Variants in MKLN1 observed in about 807,000 individuals in gnomAD.
The protein encoded by MKLN1 is muskelin 1.
MKLN1 carries 18 observed loss-of-function variants against 99.0 expected under a neutral mutation model. The observed-to-expected ratio is 0.18, with a 90% confidence interval of 0.13 to 0.27. MKLN1 has a LOEUF of 0.27. Ranked by LOEUF, MKLN1 falls within the 10% of genes least tolerant of loss-of-function variation. MKLN1 has a pLI of 1.00. For synonymous variants in MKLN1, 288 were observed against 293.2 expected (o/e 0.98, Z 0.18); for missense variants, 621 against 875.9 (o/e 0.71, Z 3.67).
At chr7:131,295,739 A>C (rs118094979) in intron 3 of MKLN1, among the ~76,000 whole-genome samples, 2,349 of 151,922 alleles carry the variant, frequency 0.015, 25 homozygotes, top group Middle Eastern at 0.031. Context: ...AAATAAATTA[A>C]CTGGACATGG....
intron 3 of MKLN1, among the ~76,000 whole-genome samples, chr7:131,240,875 T>G (rs1797391766): frequency 6.6e-6 from 1 of 152,198 alleles, no homozygotes; most frequent in East Asian, 1.9e-4. Flanking sequence ...CAGAAATGTG[T>G]ATATACCTTA....
intron 3 of MKLN1, among the ~76,000 whole-genome samples, chr7:131,317,206 A>C (rs554354752): frequency 1.1e-3 from 161 of 152,332 alleles, no homozygotes; most frequent in African/African-American, 3.4e-3. Context: ...AGACACAGAG[A>C]AAGTTCAGGT....
At chr7:131,227,469 T>TTCTC (rs1563259238) in intron 3 of MKLN1, among the ~76,000 whole-genome samples, 19 of 130,676 alleles carry the variant, frequency 1.5e-4, no homozygotes, top group South Asian at 7.7e-4. Context: ...GTTTCTTTCT[T>TTCTC]TCTTTCTCTC....
At chr7:131,404,288 A>G (rs892201668) in intron 6 of MKLN1, among the ~76,000 whole-genome samples, 2 of 152,288 alleles carry the variant, frequency 1.3e-5, no homozygotes, top group East Asian at 3.9e-4. Flanking sequence ...AGAATTTACT[A>G]GTGAAGGCAA....
chr7:131,443,767 T>C lies in MKLN1; in HGVS notation c.1395+65T>C, dbSNP rs1470160249. 18 of 1,204,836 alleles carry C rather than the reference T, an allele frequency of 1.5e-5. No individual in the cohort carries two copies. The South Asian group carries it at 2.1e-4, about 14-fold the overall frequency. The allele number at this position is 1,204,836 out of a possible 1,614,324, so 74.6% of individuals were successfully genotyped here. A position where few individuals can be genotyped will look rare whatever the true frequency, so the allele number is the denominator to read the frequency against. On this transcript the variant is annotated intron_variant, in intron 11 of 17. Coordinates refer to ENST00000352689, the MANE Select transcript of MKLN1 (RefSeq NM_013255.5). Reference sequence around the variant, plus strand: ...ATGTATATCTAGATAGGAAAAGAAGTGGTGAAATCTAATTCTTTAGGAAGA... The same window carrying C: ...ATGTATATCTAGATAGGAAAAGAAGCGGTGAAATCTAATTCTTTAGGAAGA...
At chr7:131,270,350 G>C (rs1797866742) in intron 3 of MKLN1, among the ~76,000 whole-genome samples, 1 of 152,180 alleles carries the variant, frequency 6.6e-6, no homozygotes, top group South Asian at 2.1e-4. Context: ...AGCCTCCCAA[G>C]TAGCTGGGAT....
At chr7:131,144,414 G>A (rs576274979) in intron 2 of MKLN1, among the ~76,000 whole-genome samples, 5 of 151,374 alleles carry the variant, frequency 3.3e-5, no homozygotes, top group African/African-American at 7.3e-5. Context: ...CCTGGGAGGC[G>A]GAACTTGCAG....
intron 3 of MKLN1, among the ~76,000 whole-genome samples, chr7:131,388,385 A>C (rs889909970): frequency 6.6e-6 from 1 of 152,174 alleles, no homozygotes; most frequent in African/African-American, 2.4e-5. Flanking sequence ...ATTTAGGATA[A>C]AGCAGATGCT....
At chr7:131,185,646 G>T (rs180913886) in intron 2 of MKLN1, among the ~76,000 whole-genome samples, 32 of 152,220 alleles carry the variant, frequency 2.1e-4, no homozygotes, top group African/African-American at 7.2e-4. Context: ...AGTCACTCAA[G>T]CTTTCATTTC....
In MKLN1 at chr7:131,488,162, C is replaced by A. The variant is rs1404192872; in HGVS notation, c.*434C>A. ...GGTCATTTGGCCTGCCTTTTCCCTT[C>A]CTATTTCACTTTGCCTCCCATCACA... is the stretch of plus-strand genomic sequence containing the variant. On this transcript the variant is annotated 3_prime_UTR_variant, in exon 18 of 18. Transcript: ENST00000352689. 1 of 151,894 alleles carries A rather than the reference C, an allele frequency of 6.6e-6. No individual in the cohort carries two copies. Among genetic ancestry groups the A allele is most frequent in the Admixed American group, 6.6e-5 (1 of 15,222 alleles). The allele number at this position is 151,894 out of a possible 1,614,324, so 9.4% of individuals were successfully genotyped here. A position where few individuals can be genotyped will look rare whatever the true frequency, so the allele number is the denominator to read the frequency against.
At chr7:131,484,835 A>T (rs1188311029) in intron 17 of MKLN1, among the ~76,000 whole-genome samples, 1 of 151,994 alleles carries the variant, frequency 6.6e-6, no homozygotes, top group Non-Finnish European at 1.5e-5. Flanking sequence ...AGTTGAGCAA[A>T]TGAGTACATA....
intron 2 of MKLN1, among the ~76,000 whole-genome samples, chr7:131,147,367 G>T (rs952352058): frequency 6.6e-6 from 1 of 151,912 alleles, no homozygotes; most frequent in African/African-American, 2.4e-5. Context: ...CGTTGATGAT[G>T]TCTTAAAAAT....
intron 3 of MKLN1, among the ~76,000 whole-genome samples, chr7:131,300,603 C>T (rs1317471701): frequency 2.0e-5 from 3 of 147,534 alleles, no homozygotes; most frequent in Admixed American, 7.0e-5. Context: ...AGGAGAATCG[C>T]TTGAACTCCA....
At chr7:131,479,807 A>G (rs974351933) in intron 17 of MKLN1, among the ~76,000 whole-genome samples, 3 of 151,548 alleles carry the variant, frequency 2.0e-5, no homozygotes, top group Non-Finnish European at 4.4e-5. Context: ...AGCCTGGGCG[A>G]CAGAGTGAGA....
At chr7:131,169,690 T>A (rs546476458) in intron 2 of MKLN1, among the ~76,000 whole-genome samples, 1 of 152,316 alleles carries the variant, frequency 6.6e-6, no homozygotes, top group East Asian at 1.9e-4. Flanking sequence ...TCAAAAGGAA[T>A]GTATTATCTA....
intron 3 of MKLN1, among the ~76,000 whole-genome samples, chr7:131,322,591 T>C (rs1321520179): frequency 3.0e-5 from 4 of 133,714 alleles, no homozygotes; most frequent in Non-Finnish European, 4.7e-5. Flanking sequence ...TGAGACGGAG[T>C]CTCGCTCTGT....
chr7:131,197,688 A>G (rs1458601036), intron 2 of MKLN1, among the ~76,000 whole-genome samples: 1 of 152,032 alleles, frequency 6.6e-6, no homozygotes, highest in African/African-American at 2.4e-5. Context: ...AAATTTTCCA[A>G]TGACACAAAC....
intron 3 of MKLN1, among the ~76,000 whole-genome samples, chr7:131,218,165 G>T (rs1012988646): frequency 4.6e-5 from 7 of 152,154 alleles, no homozygotes; most frequent in African/African-American, 1.7e-4. Flanking sequence ...GGTTCATACG[G>T]AATACAAGGT....
At chr7:131,442,439 C>T (rs1795866173) in intron 10 of MKLN1, among the ~76,000 whole-genome samples, 1 of 151,870 alleles carries the variant, frequency 6.6e-6, no homozygotes, top group Admixed American at 6.6e-5. Context: ...CCCAGCTACC[C>T]GGGAGGCTGA....
Sources: allele counts gnomAD v4.1 joint callset (sites outside exome capture counted in the v4.1 genomes callset), GRCh38; gene constraint gnomAD v4.1.1; transcripts MANE v1.5; gene names NCBI Gene and HGNC (gene_info 2026-07-23, HGNC 2026-07-21).